The following TTLL5 variants were observed in gnomAD, a reference collection of about 807,000 sequenced individuals.
The protein encoded by TTLL5 is tubulin polyglutamylase TTLL5.
A neutral mutation model predicts 168.4 loss-of-function variants in TTLL5; 132 were observed. The observed-to-expected ratio is 0.78, with a 90% CI of 0.68 to 0.91. The LOEUF is 0.91. Ranked by LOEUF, TTLL5 falls within the 40% of genes least tolerant of loss-of-function variation. The pLI is 0.00. For missense variants in TTLL5, 1,545 were observed against 1,581.5 expected, an observed-to-expected ratio of 0.98 and a Z score of 0.39; for synonymous variants, 546 against 558.6, an observed-to-expected ratio of 0.98 and a Z score of 0.32.
intron 28 of TTLL5, among the ~76,000 whole-genome samples, chr14:75,861,676 A>G (rs1345614977): frequency 6.6e-6 from 1 of 152,186 alleles, no homozygotes; most frequent in Non-Finnish European, 1.5e-5. Flanking sequence ...GTTCATTATG[A>G]AAGTCTTATG....
chr14:75,783,568 T>G, intron 26 of TTLL5, 38 bp downstream of exon 26: 1 of 1,594,734 alleles, frequency 6.3e-7, no homozygotes, highest in Non-Finnish European at 8.6e-7. Context: ...CAATGTGAGC[T>G]CCTCCCCAGC....
chr14:75,670,518 C>T (rs894275704), intron 3 of TTLL5, among the ~76,000 whole-genome samples: 9 of 152,152 alleles, frequency 5.9e-5, no homozygotes, highest in African/African-American at 1.4e-4. Context: ...GCAGCTGTAC[C>T]GTTTTACATT....
chr14:75,811,713 C>T (rs79052307), intron 27 of TTLL5, among the ~76,000 whole-genome samples: 6 of 152,266 alleles, frequency 3.9e-5, no homozygotes, highest in South Asian at 2.1e-4. Context: ...CTTAAGCATT[C>T]GGGACTGCAG....
intron 19 of TTLL5, 74 bp downstream of exon 19, chr14:75,764,846 A>G: frequency 1.9e-6 from 3 of 1,556,176 alleles, no homozygotes; most frequent in Non-Finnish European, 2.6e-6. Flanking sequence ...CTGCTTACTC[A>G]GTATTTCATG....
intron 5 of TTLL5, chr14:75,684,671 G>A (rs541935038): frequency 6.6e-6 from 1 of 152,224 alleles, no homozygotes; most frequent in Admixed American, 6.5e-5. Flanking sequence ...ACGGTCACAG[G>A]GAATTAAAAA....
intron 15 of TTLL5, among the ~76,000 whole-genome samples, chr14:75,739,672 G>A (rs922947879): frequency 6.6e-6 from 1 of 152,148 alleles, no homozygotes; most frequent in Non-Finnish European, 1.5e-5. Context: ...CCAAAAACTA[G>A]CAATTAGACC....
chr14:75,691,011 C>T (rs1885421866), intron 6 of TTLL5, among the ~76,000 whole-genome samples: 1 of 152,148 alleles, frequency 6.6e-6, no homozygotes, highest in African/African-American at 2.4e-5. Flanking sequence ...ATTCTTTCAG[C>T]CTTGATTTCT....
chr14:75,838,685 C>T (rs1896026264), intron 28 of TTLL5: 2 of 148,072 alleles, frequency 1.4e-5, no homozygotes, highest in South Asian at 4.1e-4. Context: ...TAAGCAGCAG[C>T]TTTTTGAGTG....
chr14:75,948,315 T>A (rs2034843182), intron 31 of TTLL5, among the ~76,000 whole-genome samples: 1 of 151,996 alleles, frequency 6.6e-6, no homozygotes, highest in Non-Finnish European at 1.5e-5. Context: ...TGAAACCCTG[T>A]CTCTACTAAA....
intron 31 of TTLL5, among the ~76,000 whole-genome samples, chr14:75,943,084 C>CA (rs947060980): frequency 6.6e-6 from 1 of 151,572 alleles, no homozygotes; most frequent in Non-Finnish European, 1.5e-5. Flanking sequence ...CAAAGTCCCA[C>CA]AAAAAAAAGG....
chr14:75,743,971 A>G (rs559598909), intron 15 of TTLL5, among the ~76,000 whole-genome samples: 58 of 152,272 alleles, frequency 3.8e-4, no homozygotes, highest in African/African-American at 1.3e-3. Context: ...CAAAAGTCCC[A>G]TCTCCAAATG....
chr14:75,714,570 C>T (rs559187988), intron 9 of TTLL5, among the ~76,000 whole-genome samples: 12 of 152,178 alleles, frequency 7.9e-5, no homozygotes, highest in South Asian at 6.2e-4. Context: ...CAGACTCAAG[C>T]GTTCCTGTTT....
chr14:75,776,395 A>C (rs1335750824), intron 22 of TTLL5, among the ~76,000 whole-genome samples: 4 of 152,182 alleles, frequency 2.6e-5, no homozygotes, highest in African/African-American at 9.7e-5. Flanking sequence ...AATTGGAACA[A>C]AATACTGTGT....
At chr14:75,869,543 A>G (rs527630915) in intron 29 of TTLL5, among the ~76,000 whole-genome samples, 1 of 152,216 alleles carries the variant, frequency 6.6e-6, no homozygotes, top group East Asian at 1.9e-4. Context: ...CAAAGTGGCC[A>G]TTTTTTTGTA....
intron 18 of TTLL5, among the ~76,000 whole-genome samples, chr14:75,754,406 T>C (rs1890124325): frequency 6.6e-6 from 1 of 152,202 alleles, no homozygotes; most frequent in Admixed American, 6.5e-5. Context: ...CCAGTCATAT[T>C]TAGAAGTAAT....
intron 22 of TTLL5, 117 bp from the exon 23 acceptor site, chr14:75,776,630 T>G (rs1223540840): frequency 3.4e-6 from 2 of 589,654 alleles, no homozygotes. Context: ...AAGAATTAAA[T>G]GTCTTTACTA....
At chr14:75,864,598 G>A (rs1456701106) in intron 29 of TTLL5, among the ~76,000 whole-genome samples, 1 of 152,096 alleles carries the variant, frequency 6.6e-6, no homozygotes, top group Non-Finnish European at 1.5e-5. Context: ...GGCCCCAATT[G>A]TAGAGAAAGG....
rs1463418017 is a variant in TTLL5, at chr14:75,906,529, T to G, written c.3823+4305T>G. ...GGCCAAAATCAAATGTAGTGTTAAG[T>G]AGAGATACTTTTTTCCATTTTTCAG... On this transcript the variant is annotated intron_variant, in intron 31 of 31. Coordinates refer to ENST00000298832, the MANE Select transcript of TTLL5 (RefSeq NM_015072.5). 3 of 985,820 alleles carry G rather than the reference T, an allele frequency of 3.0e-6. No homozygotes were observed. In the East Asian group the frequency reaches 3.4e-4, roughly 112 times the overall value. 61.1% of individuals were successfully genotyped at this position (985,820 alleles called of 1,614,324 possible).
chr14:75,761,122 C>G (rs951273662), intron 18 of TTLL5, among the ~76,000 whole-genome samples: 16 of 152,038 alleles, frequency 1.1e-4, no homozygotes, highest in Non-Finnish European at 2.4e-4. Flanking sequence ...AGCCAATATG[C>G]TTATGAAAAT....
Sources: allele counts gnomAD v4.1 joint callset (sites outside exome capture counted in the v4.1 genomes callset), GRCh38; gene constraint gnomAD v4.1.1; transcripts MANE v1.5; gene names NCBI Gene and HGNC (gene_info 2026-07-23, HGNC 2026-07-21).